The following ERC1 variants were observed in gnomAD, a reference collection of about 807,000 sequenced individuals.
The protein encoded by ERC1 is ELKS/RAB6-interacting/CAST family member 1.
Under a neutral mutation model 132.0 loss-of-function variants are expected in ERC1, and 56 were observed. The ratio of observed to expected loss-of-function variants is 0.42; its 90% CI spans 0.34 to 0.53. The LOEUF (loss-of-function observed/expected upper bound fraction) is 0.53. Ranked by LOEUF, ERC1 falls within the 20% of genes least tolerant of loss-of-function variation. The pLI is 0.03. For missense variants in ERC1, 1,202 were observed against 1,349.9 expected, an observed-to-expected ratio of 0.89 and a Z score of 1.72; for synonymous variants, 478 against 476.1, an observed-to-expected ratio of 1.00 and a Z score of -0.05.
At chr12:1,359,260 T>G (rs2085843003) in intron 15 of ERC1, among the ~76,000 whole-genome samples, 1 of 152,154 alleles carries the variant, frequency 6.6e-6, no homozygotes. Context: ...TTACGAGTTC[T>G]GTCAAAATAG....
chr12:1,098,403 G>T (rs137970607), intron 3 of ERC1, among the ~76,000 whole-genome samples: 1 of 152,208 alleles, frequency 6.6e-6, no homozygotes, highest in Non-Finnish European at 1.5e-5. Flanking sequence ...AAAGGAGGTG[G>T]AAGAAAGCTA....
At chr12:1,312,539 A>T (rs2081381974) in intron 15 of ERC1, among the ~76,000 whole-genome samples, 1 of 152,126 alleles carries the variant, frequency 6.6e-6, no homozygotes, top group South Asian at 2.1e-4. Context: ...GTGTATTTTT[A>T]GTAGAGACGA....
In ERC1 at chr12:1,490,587, G is replaced by C. The variant is rs892553480; in HGVS notation, c.*357G>C. On this transcript the variant is annotated 3_prime_UTR_variant, in exon 19 of 19. Transcript: ENST00000360905. ...TCTCACCTCCTGTCCTCTGACATGA[G>C]AATGAAACCAGGAATGGACTTGGAG... 4 of 275,220 alleles carry C rather than the reference G, an allele frequency of 1.5e-5. No homozygotes were observed. Among genetic ancestry groups the C allele is most frequent in the African/African-American group, 8.4e-5 (4 of 47,740 alleles). The allele number at this position is 275,220 out of a possible 1,614,324, so 17.0% of individuals were successfully genotyped here.
chr12:1,256,355 G>A (rs1206404446), intron 13 of ERC1, among the ~76,000 whole-genome samples: 1 of 149,160 alleles, frequency 6.7e-6, no homozygotes, highest in Non-Finnish European at 1.5e-5. Context: ...TGAGGAAACA[G>A]GAGTTTAAAG....
At chr12:1,475,854 G>C (rs1037517354) in intron 18 of ERC1, among the ~76,000 whole-genome samples, 1 of 152,060 alleles carries the variant, frequency 6.6e-6, no homozygotes, top group Non-Finnish European at 1.5e-5. Context: ...AACTAGGCTA[G>C]ATGTGGTGGC....
At chr12:1,374,596 G>A (rs757981721) in intron 16 of ERC1, among the ~76,000 whole-genome samples, 69 of 152,306 alleles carry the variant, frequency 4.5e-4, no homozygotes, top group Non-Finnish European at 7.1e-4. Context: ...GCCCCCGCAC[G>A]AGATTTAATG....
chr12:1,481,458 T>A (rs1393083246), intron 18 of ERC1, among the ~76,000 whole-genome samples: 1 of 152,208 alleles, frequency 6.6e-6, no homozygotes, highest in Middle Eastern at 3.2e-3. Context: ...TTAAAAGTAA[T>A]CACGGTTACA....
chr12:1,485,413 C>A (rs973675227), intron 18 of ERC1, among the ~76,000 whole-genome samples: 2 of 151,796 alleles, frequency 1.3e-5, no homozygotes, highest in Non-Finnish European at 2.9e-5. Context: ...CCACATTGGC[C>A]AGGCTGGTCT....
At chr12:1,193,194 G>A (rs754960236) in intron 12 of ERC1, among the ~76,000 whole-genome samples, 7 of 152,094 alleles carry the variant, frequency 4.6e-5, no homozygotes, top group Non-Finnish European at 7.3e-5. Context: ...AAATAAATAG[G>A]TCCTTCCCAT....
intron 15 of ERC1, among the ~76,000 whole-genome samples, chr12:1,303,826 T>C (rs1393242090): frequency 6.6e-6 from 1 of 151,228 alleles, no homozygotes; most frequent in Non-Finnish European, 1.5e-5. Flanking sequence ...TGGTGGCGCA[T>C]GCCTGTAATC....
At chr12:1,208,912 T>C (rs921523559) in intron 12 of ERC1, among the ~76,000 whole-genome samples, 10 of 149,256 alleles carry the variant, frequency 6.7e-5, no homozygotes, top group African/African-American at 2.2e-4. Flanking sequence ...TGCCTTAGCC[T>C]CCCGAGTAGC....
intron 1 of ERC1, among the ~76,000 whole-genome samples, chr12:995,770 C>A (rs1309520293): frequency 1.3e-5 from 2 of 151,946 alleles, no homozygotes; most frequent in African/African-American, 4.8e-5. Flanking sequence ...ATAAACCTGA[C>A]AAAAGTTTTC....
intron 18 of ERC1, among the ~76,000 whole-genome samples, chr12:1,450,646 T>C (rs1189128774): frequency 6.6e-6 from 1 of 152,234 alleles, no homozygotes; most frequent in Non-Finnish European, 1.5e-5. Flanking sequence ...TTCCGTTCTT[T>C]TGGTATAAAA....
At chr12:1,338,292 G>A (rs2083480339) in intron 15 of ERC1, among the ~76,000 whole-genome samples, 1 of 152,166 alleles carries the variant, frequency 6.6e-6, no homozygotes, top group African/African-American at 2.4e-5. Flanking sequence ...CAGTCTTCAA[G>A]CTCTGAGACA....
chr12:1,069,498 G>A (rs913508388), intron 2 of ERC1, among the ~76,000 whole-genome samples: 8 of 152,084 alleles, frequency 5.3e-5, no homozygotes, highest in Non-Finnish European at 1.2e-4. Flanking sequence ...ATAGATGGAG[G>A]TGTATTTATT....
intron 15 of ERC1, among the ~76,000 whole-genome samples, chr12:1,345,823 A>G (rs1040987603): frequency 6.6e-6 from 1 of 152,058 alleles, no homozygotes; most frequent in African/African-American, 2.4e-5. Flanking sequence ...ATTTAATTTT[A>G]TCTTCACTTG....
At chr12:1,060,916 C>T (rs916224929) in intron 2 of ERC1, among the ~76,000 whole-genome samples, 43 of 151,880 alleles carry the variant, frequency 2.8e-4, no homozygotes, top group Non-Finnish European at 5.0e-4. Flanking sequence ...TTTAGTAGAA[C>T]GAGGTTTCAC....
At chr12:1,486,625 G>A (rs766743734) in intron 18 of ERC1, among the ~76,000 whole-genome samples, 16 of 151,794 alleles carry the variant, frequency 1.1e-4, no homozygotes, top group Non-Finnish European at 1.9e-4. Flanking sequence ...GGGTTTTGCC[G>A]TGTTGGCCAG....
chr12:1,288,275 T>G (rs900608918), intron 14 of ERC1, among the ~76,000 whole-genome samples: 6 of 152,190 alleles, frequency 3.9e-5, no homozygotes, highest in African/African-American at 1.2e-4. Context: ...ATATTCTCTT[T>G]TTTGTTTGTT....
Sources: gnomAD v4.1 joint callset for allele counts (sites outside exome capture counted in the v4.1 genomes callset) on GRCh38, gnomAD v4.1.1 for gene constraint, MANE v1.5 for transcripts, NCBI Gene and HGNC (gene_info 2026-07-23, HGNC 2026-07-21) for gene names.